The following OSBPL3 variants were observed in gnomAD, a reference collection of about 807,000 sequenced individuals.
The protein encoded by OSBPL3 is oxysterol-binding protein-related protein 3.
A neutral mutation model predicts 120.1 loss-of-function variants in OSBPL3; 65 were observed. That is an observed-to-expected ratio of 0.54 (90% CI 0.44 to 0.67). The LOEUF (loss-of-function observed/expected upper bound fraction) is 0.67, where lower values mean the gene tolerates loss of function less well. OSBPL3 is among the 30% of genes least tolerant of loss of function. OSBPL3 has a pLI of 0.00. For missense variants in OSBPL3, 1,004 were observed against 1,082.1 expected (o/e 0.93, Z 1.01); for synonymous variants, 416 against 402.6 (o/e 1.03, Z -0.40).
In OSBPL3 at chr7:24,849,676, G is replaced by T. The variant is rs188899141; in HGVS notation, c.1159-500C>A. ...GATTTTAGAAAGTGTGCTGGAGGCCGGGCAAGGTGGCTCACACCTGTAATT... is the reference window on the plus strand; with the variant it reads ...GATTTTAGAAAGTGTGCTGGAGGCCTGGCAAGGTGGCTCACACCTGTAATT... On this transcript the variant is annotated intron_variant, in intron 11 of 22. Coordinates refer to ENST00000313367, the MANE Select transcript of OSBPL3 (RefSeq NM_015550.4). The surrounding 1 kb of genome is among the most constrained non-coding windows in gnomAD (Gnocchi z 5.4). Among the ~76,000 whole-genome samples, 15 of 152,156 alleles carry T rather than the reference G, an allele frequency of 9.9e-5. No homozygotes were observed. The highest frequency in any genetic ancestry group is 7.3e-5 in the Non-Finnish European group (5 of 68,034).
chr7:24,856,218 T>C (rs1478488276), intron 10 of OSBPL3, among the ~76,000 whole-genome samples: 1 of 152,164 alleles, frequency 6.6e-6, no homozygotes, highest in Non-Finnish European at 1.5e-5. Context: ...GTTGAGTTTT[T>C]GACTGTAAGA....
chr7:24,939,012 G>C lies in OSBPL3; in HGVS notation c.-150+40874C>G, dbSNP rs1377667262. On this transcript the variant is annotated intron_variant, in intron 1 of 22. Coordinates refer to ENST00000313367, the MANE Select transcript of OSBPL3 (RefSeq NM_015550.4). This position sits in a 1 kb window ranked among gnomAD's most constrained non-coding sequence, Gnocchi z 4.2. ...GGGTAGGAATCAGTGTAGAAATAAA[G>C]ATTAAAGAATTTTTAGCACAGAGAT... Among the ~76,000 whole-genome samples the C allele has an allele frequency of 6.6e-6, 1 of 152,086 alleles. No individual in the cohort carries two copies. Among genetic ancestry groups the C allele is most frequent in the Non-Finnish European group, 1.5e-5 (1 of 68,020 alleles).
intron 19 of OSBPL3, chr7:24,810,262 C>T (rs940185851): frequency 2.4e-5 from 5 of 208,706 alleles, no homozygotes; most frequent in Non-Finnish European, 3.9e-5. Context: ...CGGTGGCTCA[C>T]GCCTGTAATC....
At chr7:24,950,407 C>T (rs1326081747) in intron 1 of OSBPL3, among the ~76,000 whole-genome samples, 1 of 152,198 alleles carries the variant, frequency 6.6e-6, no homozygotes, top group Non-Finnish European at 1.5e-5. Context: ...AAGGGAAAAA[C>T]AGAAACTATT....
Position 24,946,026 on chromosome 7 carries a change from T to C in OSBPL3, c.-150+33860A>G, listed in dbSNP as rs1362941934. Among the ~76,000 whole-genome samples, 1 of 152,156 alleles carries C rather than the reference T, an allele frequency of 6.6e-6. No individual in the cohort carries two copies. Among genetic ancestry groups the C allele is most frequent in the Non-Finnish European group, 1.5e-5 (1 of 68,014 alleles). On this transcript the variant is annotated intron_variant, in intron 1 of 22. Transcript: ENST00000313367. This position sits in a 1 kb window ranked among gnomAD's most constrained non-coding sequence, Gnocchi z 4.3. Reference sequence around the variant, plus strand: ...GGTCTCTCATTTGATGGCAATCAGATGCCAGGTGGGGCTGGAGCTAGGTGG... The same window carrying C: ...GGTCTCTCATTTGATGGCAATCAGACGCCAGGTGGGGCTGGAGCTAGGTGG...
Position 24,849,853 on chromosome 7 carries a change from G to A in OSBPL3, c.1159-677C>T, listed in dbSNP as rs1398078166. Among the ~76,000 whole-genome samples the A allele has an allele frequency of 6.6e-6, 1 of 151,912 alleles. No homozygotes were observed. Among genetic ancestry groups the A allele is most frequent in the African/African-American group, 2.4e-5 (1 of 41,342 alleles). ...ACCTGTAGTCCCAGCTACTTGGGAG[G>A]CTGAGGTGGGAGAATTGCTTGAACC... On this transcript the variant is annotated intron_variant, in intron 11 of 22. Coordinates refer to ENST00000313367, the MANE Select transcript of OSBPL3 (RefSeq NM_015550.4). This position sits in a 1 kb window ranked among gnomAD's most constrained non-coding sequence, Gnocchi z 5.4.
rs1366681602 is a variant in OSBPL3 at position 24,913,836 on chromosome 7, A to AGGACCGT, written c.-149-21222_-149-21216dup. On this transcript the variant is annotated intron_variant, in intron 1 of 22. Coordinates refer to ENST00000313367, the MANE Select transcript of OSBPL3 (RefSeq NM_015550.4). This position sits in a 1 kb window ranked among gnomAD's most constrained non-coding sequence, Gnocchi z 5.3. Reference sequence around the variant, plus strand: ...ACAACTAGGACGAGGACAAGGACCAAGGACCGTATCCCATCAAAAACATAC... The same window carrying AGGACCGT: ...ACAACTAGGACGAGGACAAGGACCAAGGACCGTGGACCGTATCCCATCAAAAACATAC... 2.0e-5 allele frequency among the ~76,000 whole-genome samples: 3 copies of AGGACCGT among 152,352 alleles called. No homozygotes were observed. The highest frequency in any genetic ancestry group is 2.4e-5 in the African/African-American group (1 of 41,592).
intron 13 of OSBPL3, among the ~76,000 whole-genome samples, chr7:24,842,029 T>A (rs79797540): frequency 0.011 from 1,740 of 151,844 alleles, 35 homozygotes; most frequent in African/African-American, 0.04. Flanking sequence ...AAAAAAAGTA[T>A]AACAAATTTA....
At chr7:24,845,195 T>C (rs1215725821) in intron 12 of OSBPL3, among the ~76,000 whole-genome samples, 2 of 151,780 alleles carry the variant, frequency 1.3e-5, no homozygotes, top group Non-Finnish European at 2.9e-5. Flanking sequence ...GGGTACTGCA[T>C]ACCATAATTT....
In OSBPL3 at chr7:24,805,952, C is replaced by T. The variant is rs535769391; in HGVS notation, c.2444+824G>A. 1.3e-5 allele frequency among the ~76,000 whole-genome samples: 2 copies of T among 152,104 alleles called. No individual in the cohort carries two copies. The highest frequency in any genetic ancestry group is 2.9e-5 in the Non-Finnish European group (2 of 68,014). The stretch of plus-strand genomic sequence containing the variant: ...TTATTTATTTTGCCATAAAGAAGGG[C>T]TTAAGTTTGTTTGTTTTGTGGGGGT... On this transcript the variant is annotated intron_variant, in intron 21 of 22. Transcript: ENST00000313367. The surrounding 1 kb of genome is among the most constrained non-coding windows in gnomAD (Gnocchi z 4.0).
chr7:24,863,725 G>A lies in OSBPL3; in HGVS notation c.674-126C>T. 1.6e-6 allele frequency: 1 copy of A among 640,370 alleles called. No homozygotes were observed. The highest frequency in any genetic ancestry group is 2.7e-6 in the Non-Finnish European group (1 of 365,276). 39.7% of individuals were successfully genotyped at this position (640,370 alleles called of 1,614,324 possible). On this transcript the variant is annotated intron_variant, in intron 7 of 22. Transcript: ENST00000313367. The surrounding 1 kb of genome is among the most constrained non-coding windows in gnomAD (Gnocchi z 5.8). Reference sequence around the variant, plus strand: ...ATTTTTTTTTTCATCTGTAAGGGTTGGAAATTTTACTTCCTTTTTTACAGG... The same window carrying A: ...ATTTTTTTTTTCATCTGTAAGGGTTAGAAATTTTACTTCCTTTTTTACAGG...
chr7:24,800,394 G>T, intron 22 of OSBPL3, 115 bp from the exon 23 acceptor site: 1 of 603,834 alleles, frequency 1.7e-6, no homozygotes. Context: ...TGCATTCAGC[G>T]TCCCAGAGTG....
At chr7:24,921,851 C>T (rs1562928919) in intron 1 of OSBPL3, among the ~76,000 whole-genome samples, 1 of 152,208 alleles carries the variant, frequency 6.6e-6, no homozygotes, top group Non-Finnish European at 1.5e-5. Context: ...AAAGAACCTT[C>T]CATTCTTACA....
rs1811691914 is a variant in OSBPL3, at chr7:24,930,742, G to A, written c.-149-38121C>T. 6.6e-6 allele frequency among the ~76,000 whole-genome samples: 1 copy of A among 152,152 alleles called. No homozygotes were observed. Among genetic ancestry groups the A allele is most frequent in the Non-Finnish European group, 1.5e-5 (1 of 68,028 alleles). On this transcript the variant is annotated intron_variant, in intron 1 of 22. Transcript: ENST00000313367. This position sits in a 1 kb window ranked among gnomAD's most constrained non-coding sequence, Gnocchi z 4.4. ...GGTTTTGCACAGTCCCAAAGGGTCT[G>A]GCTCTCTGAAAGCCTTCTGTGGAGT... is the stretch of plus-strand genomic sequence containing the variant.
chr7:24,915,250 C>T (rs1243078558), intron 1 of OSBPL3, among the ~76,000 whole-genome samples: 1 of 152,186 alleles, frequency 6.6e-6, no homozygotes, highest in Non-Finnish European at 1.5e-5. Context: ...AGCTGATTCT[C>T]CAACATGTAA....
At chr7:24,860,047 G>C (rs1800310751) in intron 10 of OSBPL3, among the ~76,000 whole-genome samples, 1 of 152,078 alleles carries the variant, frequency 6.6e-6, no homozygotes, top group Non-Finnish European at 1.5e-5. Flanking sequence ...AAAAACGTGG[G>C]AGTTGACATT....
chr7:24,900,849 T>G lies in OSBPL3; in HGVS notation c.-149-8228A>C, dbSNP rs915909611. ...GTGAAAGTAAGTGCGGATTTTGCCA[T>G]TGGCACGAACCTAATACAAAAATTA... is the stretch of plus-strand genomic sequence containing the variant. On this transcript the variant is annotated intron_variant, in intron 1 of 22. Coordinates refer to ENST00000313367, the MANE Select transcript of OSBPL3 (RefSeq NM_015550.4). This position sits in a 1 kb window ranked among gnomAD's most constrained non-coding sequence, Gnocchi z 4.5. Among the ~76,000 whole-genome samples the G allele has an allele frequency of 6.6e-6, 1 of 152,062 alleles. No individual in the cohort carries two copies.
In OSBPL3 at chr7:24,835,743, A is replaced by C. The variant is rs1796921196; in HGVS notation, c.1496-1007T>G. On this transcript the variant is annotated intron_variant, in intron 14 of 22. Transcript: ENST00000313367. The surrounding 1 kb of genome is among the most constrained non-coding windows in gnomAD (Gnocchi z 4.8). ...GAATACTGTGCAGCCATAAAAAAGA[A>C]TGGGATCATAGCCTTTGCAGCAACA... is the stretch of plus-strand genomic sequence containing the variant. 6.6e-6 allele frequency among the ~76,000 whole-genome samples: 1 copy of C among 152,234 alleles called. No individual in the cohort carries two copies.
chr7:24,908,959 G>A (rs955047958), intron 1 of OSBPL3, among the ~76,000 whole-genome samples: 2 of 152,234 alleles, frequency 1.3e-5, no homozygotes, highest in African/African-American at 2.4e-5. Flanking sequence ...CACTATCTGT[G>A]CTGTAGTTAC....
Sources: gnomAD v4.1 joint callset for allele counts (sites outside exome capture counted in the v4.1 genomes callset) on GRCh38, gnomAD v4.1.1 for gene constraint, Gnocchi (gnomAD v3.1) non-coding constraint, MANE v1.5 for transcripts, NCBI Gene and HGNC (gene_info 2026-07-23, HGNC 2026-07-21) for gene names.